MYO18B: variants seen among roughly 807,000 people sequenced by gnomAD.
The protein encoded by MYO18B is unconventional myosin-XVIIIb.
A neutral mutation model predicts 273.0 loss-of-function variants in MYO18B; 204 were observed. That is an observed-to-expected ratio of 0.75 (90% confidence interval 0.67 to 0.84). The LOEUF (loss-of-function observed/expected upper bound fraction) is 0.84, where lower values mean the gene tolerates loss of function less well. MYO18B is among the 40% of genes least tolerant of loss of function. The pLI, the probability that MYO18B is intolerant of heterozygous loss-of-function variation, is 0.00. For synonymous variants in MYO18B, 1,330 were observed against 1,305.7 expected (o/e 1.02, Z -0.40); for missense variants, 3,212 against 3,287.6 (o/e 0.98, Z 0.56).
chr22:25,972,661 G>C (rs1455982955), intron 39 of MYO18B, among the ~76,000 whole-genome samples: 1 of 152,186 alleles, frequency 6.6e-6, no homozygotes, highest in South Asian at 2.1e-4. Context: ...AGAGAGGTTA[G>C]AGACGAGATC....
At chr22:25,919,995 A>G (rs910554443) in intron 33 of MYO18B, among the ~76,000 whole-genome samples, 9 of 151,802 alleles carry the variant, frequency 5.9e-5, no homozygotes, top group African/African-American at 2.2e-4. Flanking sequence ...CTTTTTGTGG[A>G]TGAGAAAACT....
intron 23 of MYO18B, among the ~76,000 whole-genome samples, chr22:25,874,697 C>T (rs1190421005): frequency 6.6e-6 from 1 of 152,184 alleles, no homozygotes; most frequent in African/African-American, 2.4e-5. Flanking sequence ...TTCACTTTCA[C>T]AGGTCAGCAG....
chr22:25,759,257 C>T (rs2086225406), intron 1 of MYO18B, among the ~76,000 whole-genome samples: 1 of 152,094 alleles, frequency 6.6e-6, no homozygotes, highest in Non-Finnish European at 1.5e-5. Flanking sequence ...GCACTATTCA[C>T]AATAGCAAAG....
At chr22:25,993,470 G>T (rs1039125126) in intron 40 of MYO18B, among the ~76,000 whole-genome samples, 13 of 152,188 alleles carry the variant, frequency 8.5e-5, no homozygotes, top group African/African-American at 3.1e-4. Context: ...CACATTAAAA[G>T]CCTGTTTTTC....
chr22:25,873,963 G>T (rs2091120153), intron 22 of MYO18B, among the ~76,000 whole-genome samples: 1 of 152,192 alleles, frequency 6.6e-6, no homozygotes, highest in Non-Finnish European at 1.5e-5. Flanking sequence ...ATCCCCGGGG[G>T]ATTGTGTTAA....
intron 21 of MYO18B, among the ~76,000 whole-genome samples, chr22:25,859,388 G>T (rs2090665718): frequency 6.6e-6 from 1 of 152,138 alleles, no homozygotes; most frequent in South Asian, 2.1e-4. Flanking sequence ...ATTCTTGGAG[G>T]AGAATTGCTA....
At chr22:25,874,147 C>T (rs2146184257) in intron 22 of MYO18B, 139 bp from the exon 23 acceptor site, 2 of 984,462 alleles carry the variant, frequency 2.0e-6, no homozygotes, top group Non-Finnish European at 3.1e-6. Context: ...TTAGACTCCC[C>T]CACCTCCCAC....
chr22:25,928,281 C>T (rs2092448921), intron 34 of MYO18B, among the ~76,000 whole-genome samples: 1 of 151,378 alleles, frequency 6.6e-6, no homozygotes, highest in Admixed American at 6.6e-5. Flanking sequence ...TAAAAATTGG[C>T]AGGATTCCAG....
At chr22:25,933,998 G>A (rs2092545231) in intron 34 of MYO18B, among the ~76,000 whole-genome samples, 1 of 152,134 alleles carries the variant, frequency 6.6e-6, no homozygotes, top group Non-Finnish European at 1.5e-5. Flanking sequence ...GCTGGCAGTT[G>A]GTATTATTAT....
chr22:25,774,274 G>A (rs1256186562), intron 7 of MYO18B, among the ~76,000 whole-genome samples: 1 of 152,176 alleles, frequency 6.6e-6, no homozygotes, highest in Admixed American at 6.5e-5. Flanking sequence ...CAAGGGCCTG[G>A]GAGGACCTCA....
intron 39 of MYO18B, among the ~76,000 whole-genome samples, chr22:25,988,893 G>A (rs2093230482): frequency 6.6e-6 from 1 of 152,182 alleles, no homozygotes; most frequent in Non-Finnish European, 1.5e-5. Flanking sequence ...CCAGTGAGCA[G>A]CAGAGTTGGG....
chr22:25,992,812 G>A (rs1020494746), intron 40 of MYO18B, among the ~76,000 whole-genome samples: 1 of 152,180 alleles, frequency 6.6e-6, no homozygotes, highest in Admixed American at 6.5e-5. Context: ...TCTGTAAAAT[G>A]GGCATAATAA....
At chr22:25,837,514 G>A (rs1411418328) in intron 17 of MYO18B, among the ~76,000 whole-genome samples, 1 of 152,218 alleles carries the variant, frequency 6.6e-6, no homozygotes, top group Non-Finnish European at 1.5e-5. Flanking sequence ...GCATCTTGAT[G>A]GAATGTTTCG....
chr22:25,984,627 A>AAATAAT (rs34901412), intron 39 of MYO18B, among the ~76,000 whole-genome samples: 1 of 150,388 alleles, frequency 6.6e-6, no homozygotes, highest in South Asian at 2.1e-4. Context: ...CTGTTTCTAC[A>AAATAAT]AATAATAATA....
chr22:25,813,114 C>A (rs1018101988), intron 12 of MYO18B, among the ~76,000 whole-genome samples: 1 of 150,688 alleles, frequency 6.6e-6, no homozygotes, highest in Non-Finnish European at 1.5e-5. Context: ...CCTCTTTCCT[C>A]CACTTCTCCC....
chr22:25,994,812 A>G (rs1933059989), intron 40 of MYO18B, among the ~76,000 whole-genome samples: 1 of 152,252 alleles, frequency 6.6e-6, no homozygotes, highest in Non-Finnish European at 1.5e-5. Flanking sequence ...TCATAGAAAC[A>G]ATAGAGCTTT....
intron 39 of MYO18B, among the ~76,000 whole-genome samples, chr22:25,967,627 T>C (rs1186602567): frequency 6.6e-6 from 1 of 152,182 alleles, no homozygotes; most frequent in African/African-American, 2.4e-5. Flanking sequence ...AAAGTGTATT[T>C]AGTGGGGAAA....
At chr22:25,809,639 A>G (rs1431610699) in intron 12 of MYO18B, among the ~76,000 whole-genome samples, 1 of 152,140 alleles carries the variant, frequency 6.6e-6, no homozygotes, top group Non-Finnish European at 1.5e-5. Flanking sequence ...TAAAGTTATC[A>G]GTGCTGGAAT....
At chr22:25,901,702 C>T (rs143084328) in intron 29 of MYO18B, among the ~76,000 whole-genome samples, 21 of 150,740 alleles carry the variant, frequency 1.4e-4, no homozygotes, top group African/African-American at 4.4e-4. Flanking sequence ...TACATCCATT[C>T]GTTTGTTCAT....
Sources: gnomAD v4.1 joint callset for allele counts (sites outside exome capture counted in the v4.1 genomes callset) on GRCh38, gnomAD v4.1.1 for gene constraint, MANE v1.5 for transcripts, NCBI Gene and HGNC (gene_info 2026-07-23, HGNC 2026-07-21) for gene names.